Variants in ANKRD28 observed in about 807,000 individuals in gnomAD.
The protein encoded by ANKRD28 is serine/threonine-protein phosphatase 6 regulatory ankyrin repeat subunit A.
Under a neutral mutation model 126.5 loss-of-function variants are expected in ANKRD28, and 44 were observed. The observed-to-expected ratio is 0.35, with a 90% CI of 0.27 to 0.45. The LOEUF (loss-of-function observed/expected upper bound fraction) is 0.45. ANKRD28 is among the 20% of genes least tolerant of loss of function. The pLI, the probability that ANKRD28 is intolerant of heterozygous loss-of-function variation, is 1.00. For synonymous variants in ANKRD28, 442 were observed against 468.5 expected, an observed-to-expected ratio of 0.94 and a Z score of 0.73; for missense variants, 1,110 against 1,316.6, an observed-to-expected ratio of 0.84 and a Z score of 2.43.
intron 2 of ANKRD28, among the ~76,000 whole-genome samples, chr3:15,771,132 G>A (rs2058980885): frequency 6.6e-6 from 1 of 151,642 alleles, no homozygotes; most frequent in South Asian, 2.1e-4. Flanking sequence ...GCACCAGGCA[G>A]GGCGCAGTGG....
chr3:15,689,856 G>C (rs1295866688), intron 18 of ANKRD28, 163 bp downstream of exon 18: 2 of 624,000 alleles, frequency 3.2e-6, no homozygotes, highest in Admixed American at 3.0e-5. Context: ...AAATTCATTT[G>C]TGTGAATAAA....
intron 1 of ANKRD28, among the ~76,000 whole-genome samples, chr3:15,850,222 T>TAGAGAGAGAG (rs1402127071): frequency 1.7e-3 from 72 of 41,788 alleles, no homozygotes; most frequent in African/African-American, 4.3e-3. Flanking sequence ...TATATATATA[T>TAGAGAGAGAG]ATAGAGAGAG....
At chr3:15,702,350 G>A (rs942343418) in intron 14 of ANKRD28, among the ~76,000 whole-genome samples, 27 of 152,112 alleles carry the variant, frequency 1.8e-4, no homozygotes, top group African/African-American at 6.0e-4. Flanking sequence ...TTCATTAGAG[G>A]GTGGGGGCAG....
At chr3:15,704,461 G>C (rs1196087380) in intron 14 of ANKRD28, among the ~76,000 whole-genome samples, 2 of 152,064 alleles carry the variant, frequency 1.3e-5, no homozygotes, top group Non-Finnish European at 2.9e-5. Flanking sequence ...TTTTCCTGGG[G>C]AGCTTTAAAG....
chr3:15,788,761 G>C (rs1303169398), intron 2 of ANKRD28, among the ~76,000 whole-genome samples: 1 of 151,914 alleles, frequency 6.6e-6, no homozygotes, highest in Non-Finnish European at 1.5e-5. Context: ...TATTATTTTG[G>C]TCACGAAAAT....
rs182885096 is a variant in ANKRD28 at position 15,817,039 on chromosome 3, A to C, written c.28-21733T>G. Among the ~76,000 whole-genome samples the C allele has an allele frequency of 2.0e-4, 31 of 152,218 alleles. No individual in the cohort carries two copies. Among genetic ancestry groups the C allele is most frequent in the Admixed American group, 9.2e-4 (14 of 15,292 alleles). Reference sequence around the variant, plus strand: ...AGCAAAACCCTGTCTCTGTAAGAAAACAAAACCAAAACCAAAAGAAACCCA... The same window carrying C: ...AGCAAAACCCTGTCTCTGTAAGAAACCAAAACCAAAACCAAAAGAAACCCA... On this transcript the variant is annotated intron_variant, in intron 1 of 27. Coordinates refer to the ANKRD28 transcript ENST00000399451. The surrounding 1 kb of genome is among the most constrained non-coding windows in gnomAD (Gnocchi z 4.5).
chr3:15,722,976 G>GT (rs1019038026), intron 7 of ANKRD28, among the ~76,000 whole-genome samples: 26 of 152,108 alleles, frequency 1.7e-4, no homozygotes, highest in African/African-American at 6.3e-4. Flanking sequence ...GGGGCCAGAT[G>GT]TTACTAAAAG....
In ANKRD28 at chr3:15,797,572, G is replaced by T. The variant is rs928279978; in HGVS notation, c.-1051C>A. 2.2e-5 allele frequency: 22 copies of T among 985,022 alleles called. No homozygotes were observed. Among genetic ancestry groups the T allele is most frequent in the Middle Eastern group, 5.2e-4 (1 of 1,912 alleles). 61.0% of individuals were successfully genotyped at this position (985,022 alleles called of 1,614,324 possible). A position where few individuals can be genotyped will look rare whatever the true frequency, so the allele number is the denominator to read the frequency against. On this transcript the variant is annotated 5_prime_UTR_variant, in exon 1 of 28. Coordinates refer to ENST00000683139, the MANE Select transcript of ANKRD28 (RefSeq NM_001349278.2). ...TTTGTTTTCTTTAAAAAAAAAAAGG[G>T]GGGGGAAAAACATAGTAGTGTATCA...
At chr3:15,857,031 C>T (rs2061787537) in intron 1 of ANKRD28, among the ~76,000 whole-genome samples, 2 of 152,224 alleles carry the variant, frequency 1.3e-5, no homozygotes. Context: ...ACAAAATAAT[C>T]TAGCTGACCT....
In ANKRD28 at chr3:15,685,989, T is replaced by C. The variant is rs199522880; in HGVS notation, c.2169+13A>G. ...AAAAGCTTTTTGAAAGGAAAGAGCA[T>C]ATTTCTGCTTACCCCTCTATGCAAC... On this transcript the variant is annotated intron_variant, in intron 20 of 27. Coordinates refer to ENST00000683139, the MANE Select transcript of ANKRD28 (RefSeq NM_001349278.2). 1.9e-5 allele frequency: 31 copies of C among 1,605,730 alleles called. No homozygotes were observed. Among genetic ancestry groups the C allele is most frequent in the Non-Finnish European group, 2.5e-5 (29 of 1,174,032 alleles).
rs1350949758 is a variant in ANKRD28, at chr3:15,816,899, T to TA, written c.28-21594dup. 1.3e-5 allele frequency among the ~76,000 whole-genome samples: 2 copies of TA among 152,020 alleles called. No homozygotes were observed. Among genetic ancestry groups the TA allele is most frequent in the East Asian group, 3.9e-4 (2 of 5,192 alleles). On this transcript the variant is annotated intron_variant, in intron 1 of 27. Transcript: ENST00000399451. The surrounding 1 kb of genome is among the most constrained non-coding windows in gnomAD (Gnocchi z 5.0). ...AACACATCTGAAAACCCATCTCTAT[T>TA]AAAAAAGAGGAGGGAGGTAGCCACA...
At chr3:15,754,775 A>C (rs973031125) in intron 3 of ANKRD28, among the ~76,000 whole-genome samples, 2 of 152,196 alleles carry the variant, frequency 1.3e-5, no homozygotes, top group Non-Finnish European at 2.9e-5. Flanking sequence ...AAAACTGGGC[A>C]TATGGAGGTA....
chr3:15,859,560 C>A, exon 1 of ANKRD28: 1 of 428,190 alleles, frequency 2.3e-6, no homozygotes, highest in Non-Finnish European at 3.4e-6. Context: ...GGGCAGGGGG[C>A]GGCGCCGCCT....
In ANKRD28 at chr3:15,845,786, A is replaced by C. The variant is rs1440304843; in HGVS notation, c.27+13591T>G. Among the ~76,000 whole-genome samples the C allele has an allele frequency of 1.3e-5, 2 of 152,200 alleles. No individual in the cohort carries two copies. The highest frequency in any genetic ancestry group is 2.9e-5 in the Non-Finnish European group (2 of 68,022). On this transcript the variant is annotated intron_variant, in intron 1 of 27. Coordinates refer to the ANKRD28 transcript ENST00000399451. This position sits in a 1 kb window ranked among gnomAD's most constrained non-coding sequence, Gnocchi z 4.9. ...AGTATGACTCAAGAAACTTAGAATC[A>C]CGGTGGAGGGCAAAGGGGAAGCAAG...
At chr3:15,699,393 G>A (rs2070199985) in intron 14 of ANKRD28, among the ~76,000 whole-genome samples, 1 of 152,008 alleles carries the variant, frequency 6.6e-6, no homozygotes, top group African/African-American at 2.4e-5. Context: ...TAGACAAATG[G>A]GATCTAATTA....
chr3:15,807,867 T>A (rs944013898), intron 1 of ANKRD28, among the ~76,000 whole-genome samples: 4 of 152,204 alleles, frequency 2.6e-5, no homozygotes, highest in African/African-American at 9.7e-5. Flanking sequence ...TATAAGATAA[T>A]ACTTTTATCT....
At chr3:15,766,066 G>A (rs1190296594) in intron 3 of ANKRD28, among the ~76,000 whole-genome samples, 168 bp downstream of exon 3, 1 of 151,966 alleles carries the variant, frequency 6.6e-6, no homozygotes, top group Non-Finnish European at 1.5e-5. Context: ...TAAGCACCCA[G>A]AAAAAGATAT....
At chr3:15,709,826 T>C (rs970891934) in intron 12 of ANKRD28, 90 bp from the exon 13 acceptor site, 21 of 747,542 alleles carry the variant, frequency 2.8e-5, no homozygotes, top group Non-Finnish European at 4.3e-5. Context: ...AGCATGTTTT[T>C]ATATGAAGAT....
At chr3:15,785,001 C>A (rs1338731714) in intron 2 of ANKRD28, among the ~76,000 whole-genome samples, 3 of 152,046 alleles carry the variant, frequency 2.0e-5, no homozygotes, top group Non-Finnish European at 2.9e-5. Flanking sequence ...TGGTAAATTG[C>A]AATTAATTTT....
Sources: allele counts gnomAD v4.1 joint callset (sites outside exome capture counted in the v4.1 genomes callset), GRCh38; gene constraint gnomAD v4.1.1; non-coding constraint Gnocchi (gnomAD v3.1); transcripts MANE v1.5; gene names NCBI Gene and HGNC (gene_info 2026-07-23, HGNC 2026-07-21).